Variants in ITPR2 observed in about 807,000 individuals in gnomAD.
ITPR2 encodes inositol 1,4,5-trisphosphate-gated calcium channel ITPR2.
In ITPR2, 207 loss-of-function variants were observed where a neutral mutation model predicts 317.1. The ratio of observed to expected loss-of-function variants is 0.65; its 90% confidence interval spans 0.58 to 0.73. ITPR2 has a LOEUF of 0.73. Among genes scored for constraint, ITPR2 ranks in the 30% least tolerant of loss-of-function variants. The probability of loss-of-function intolerance (pLI) is 0.00; values close to 1 mark genes in which losing one functional copy is unlikely to be tolerated. For synonymous variants in ITPR2, 1,156 were observed against 1,149.1 expected (o/e 1.01, Z -0.12); for missense variants, 2,613 against 3,284.0 (o/e 0.80, Z 4.99).
intron 55 of ITPR2, among the ~76,000 whole-genome samples, chr12:26,355,932 T>TG (rs1938624882): frequency 1.3e-5 from 2 of 152,212 alleles, no homozygotes; most frequent in African/African-American, 4.8e-5. Flanking sequence ...GCATTCAGAC[T>TG]AAACTTTCCC....
intron 37 of ITPR2, among the ~76,000 whole-genome samples, chr12:26,519,950 TAAAG>T (rs1943620346): frequency 1.3e-5 from 2 of 152,170 alleles, no homozygotes; most frequent in African/African-American, 4.8e-5. Context: ...TGTATATACA[TAAAG>T]AAACTCTGAA....
rs759833296 is a variant in ITPR2 at position 26,494,324 on chromosome 12, T to G, written c.5199A>C (p.Gln1733His). 13 of 1,605,278 alleles carry G rather than the reference T, an allele frequency of 8.1e-6. No individual in the cohort carries two copies. In the South Asian group the frequency reaches 1.4e-4, roughly 17 times the overall value. The stretch of plus-strand genomic sequence containing the variant: ...TTGATATCCCCATCTTATCTGAATC[T>G]TGTCCAGAAAAGCTTCCTGTGATTG... The part of the protein sequence containing the change: ...TAQVGGSFSG[Q>H]DSDKMGISMS... The change falls in exon 39 of 57, where the codon CAA becomes CAC. Residue 1733 changes from glutamine (Q) to histidine (H), a missense_variant. Around this residue, in one of 9 missense-constraint regions of ITPR2, gnomAD observed 926 missense variants for 1,072.8 expected, o/e 0.86. Transcript: ENST00000381340.
intron 39 of ITPR2, among the ~76,000 whole-genome samples, chr12:26,488,474 C>A (rs1942723216): frequency 1.3e-5 from 2 of 152,064 alleles, no homozygotes; most frequent in Non-Finnish European, 2.9e-5. Flanking sequence ...GTTGCCTACT[C>A]TGCAATTTTC....
At chr12:26,731,641 T>A (rs560131814) in intron 2 of ITPR2, among the ~76,000 whole-genome samples, 15 of 151,832 alleles carry the variant, frequency 9.9e-5, no homozygotes, top group South Asian at 2.1e-4. Context: ...TACGAAAAAA[T>A]TTTTTTAAAA....
intron 52 of ITPR2, 25 bp downstream of exon 52, chr12:26,411,295 C>G (rs1181360387): frequency 2.0e-6 from 3 of 1,510,658 alleles, no homozygotes; most frequent in Non-Finnish European, 2.8e-6. Context: ...CAAGTTCATA[C>G]TGACCCAGAG....
chr12:26,446,823 T>C (rs904772017), intron 45 of ITPR2, among the ~76,000 whole-genome samples: 1 of 151,308 alleles, frequency 6.6e-6, no homozygotes, highest in Non-Finnish European at 1.5e-5. Flanking sequence ...ATAAGCCATC[T>C]ATACATATCT....
chr12:26,554,604 C>A (rs1299418202), intron 36 of ITPR2, among the ~76,000 whole-genome samples: 1 of 152,068 alleles, frequency 6.6e-6, no homozygotes, highest in African/African-American at 2.4e-5. Context: ...AGCCTGAGGG[C>A]CAGAGCTTGC....
intron 26 of ITPR2, among the ~76,000 whole-genome samples, chr12:26,607,806 C>G (rs182163223): frequency 1.3e-5 from 2 of 152,236 alleles, no homozygotes; most frequent in East Asian, 1.9e-4. Context: ...GGCGGCCGGG[C>G]GCAGTGGCTC....
At chr12:26,390,734 T>C (rs1939807523) in intron 54 of ITPR2, among the ~76,000 whole-genome samples, 1 of 152,132 alleles carries the variant, frequency 6.6e-6, no homozygotes, top group South Asian at 2.1e-4. Flanking sequence ...GTGAATTATA[T>C]GATGTGTGAA....
At chr12:26,682,705 A>G (rs1447606957) in intron 11 of ITPR2, 32 bp from the exon 12 acceptor site, 8 of 1,359,734 alleles carry the variant, frequency 5.9e-6, no homozygotes, top group Non-Finnish European at 8.3e-6. Context: ...AAAACAAATT[A>G]TAAAAAATTA....
intron 45 of ITPR2, among the ~76,000 whole-genome samples, chr12:26,454,740 G>T (rs1370233346): frequency 6.6e-6 from 1 of 152,040 alleles, no homozygotes; most frequent in African/African-American, 2.4e-5. Context: ...ATTGCTGCGG[G>T]GGTGGGGGTG....
chr12:26,523,777 T>C (rs904755088), intron 37 of ITPR2, among the ~76,000 whole-genome samples: 6 of 152,362 alleles, frequency 3.9e-5, no homozygotes, highest in African/African-American at 1.4e-4. Context: ...GCTTATCTCA[T>C]GCAGACTCAC....
chr12:26,474,793 C>CCA (rs1942376729), intron 45 of ITPR2, among the ~76,000 whole-genome samples: 1 of 84,080 alleles, frequency 1.2e-5, no homozygotes, highest in Non-Finnish European at 2.2e-5. Flanking sequence ...GACTCCGTCT[C>CCA]AAAAAAAAAA....
chr12:26,484,723 T>C (rs1942625161), intron 41 of ITPR2, among the ~76,000 whole-genome samples: 1 of 152,142 alleles, frequency 6.6e-6, no homozygotes, highest in Non-Finnish European at 1.5e-5. Flanking sequence ...ACGATTTTTT[T>C]TTTCTCGAGA....
At chr12:26,573,774 G>A (rs1945216417) in intron 34 of ITPR2, among the ~76,000 whole-genome samples, 1 of 152,198 alleles carries the variant, frequency 6.6e-6, no homozygotes, top group Non-Finnish European at 1.5e-5. Context: ...TGTGGATGGA[G>A]CAGAGTTGGA....
At chr12:26,757,262 C>T (rs1161731145) in intron 2 of ITPR2, among the ~76,000 whole-genome samples, 6 of 150,580 alleles carry the variant, frequency 4.0e-5, no homozygotes, top group Non-Finnish European at 7.4e-5. Context: ...GTCACCTAGG[C>T]TAGAGTGCAA....
At chr12:26,808,486 C>T (rs536313656) in intron 1 of ITPR2, among the ~76,000 whole-genome samples, 3 of 152,268 alleles carry the variant, frequency 2.0e-5, no homozygotes, top group South Asian at 2.1e-4. Flanking sequence ...TTATGAACCA[C>T]GCACTGTTCT....
At position 26,804,891 on chromosome 12, in the gene ITPR2, C is replaced by T. The variant is rs147987758; in HGVS notation, c.93-14664G>A. ...TTGAGACTACAGGCGTGCACCACCA[C>T]ACCTGGCTAATTTTTGTATTTTTAG... On this transcript the variant is annotated intron_variant, in intron 1 of 56. Transcript: ENST00000381340. 3.5e-3 allele frequency among the ~76,000 whole-genome samples: 532 copies of T among 152,202 alleles called. 3 individuals are homozygous for T. Among genetic ancestry groups the T allele is most frequent in the African/African-American group, 0.012 (515 of 41,546 alleles).
At chr12:26,731,958 T>C (rs1565724653) in intron 2 of ITPR2, among the ~76,000 whole-genome samples, 1 of 151,324 alleles carries the variant, frequency 6.6e-6, no homozygotes, top group Non-Finnish European at 1.5e-5. Flanking sequence ...TAAAACTCTT[T>C]ATTTTTAGAA....
Sources: allele counts gnomAD v4.1 joint callset (sites outside exome capture counted in the v4.1 genomes callset), GRCh38; gene constraint gnomAD v4.1.1; regional missense constraint gnomAD v4.1.1; transcripts MANE v1.5; gene names NCBI Gene and HGNC (gene_info 2026-07-23, HGNC 2026-07-21).